The following TDRD9 variants were observed in gnomAD, a reference collection of about 807,000 sequenced individuals.
The protein encoded by TDRD9 is tudor domain containing 9.
A neutral mutation model predicts 172.6 loss-of-function variants in TDRD9; 124 were observed. That is an observed-to-expected ratio of 0.72 (90% CI 0.62 to 0.83). The LOEUF (loss-of-function observed/expected upper bound fraction) is 0.83. Ranked by LOEUF, TDRD9 falls within the 40% of genes least tolerant of loss-of-function variation. The probability of loss-of-function intolerance (pLI) is 0.00; values close to 1 mark genes in which losing one functional copy is unlikely to be tolerated. For synonymous variants in TDRD9, 619 were observed against 617.1 expected, an observed-to-expected ratio of 1.00 and a Z score of -0.05; for missense variants, 1,479 against 1,714.1, an observed-to-expected ratio of 0.86 and a Z score of 2.42.
chr14:104,023,293 A>G (rs1352665145), intron 24 of TDRD9, among the ~76,000 whole-genome samples: 3 of 151,716 alleles, frequency 2.0e-5, no homozygotes, highest in African/African-American at 7.3e-5. Flanking sequence ...TAGGGATTAA[A>G]TCTAATGTTA....
chr14:104,045,842 T>A (rs1160672336), intron 34 of TDRD9, among the ~76,000 whole-genome samples: 1 of 152,262 alleles, frequency 6.6e-6, no homozygotes, highest in East Asian at 1.9e-4. Context: ...GGCCAGGTGC[T>A]AGAGCCATGC....
At position 104,022,757 on chromosome 14, in the gene TDRD9, T is replaced by G. The variant is rs557772555; in HGVS notation, c.2606+427T>G. Among the ~76,000 whole-genome samples the G allele has an allele frequency of 9.3e-5, 14 of 151,344 alleles. 1 individual carries two copies. The South Asian group carries it at 2.9e-3, about 32-fold the overall frequency. ...ATAAATAAATAAATAAATAAATAAATAAATAAAAAAGCACTGGCTTTGTGG... is the reference window on the plus strand; with the variant it reads ...ATAAATAAATAAATAAATAAATAAAGAAATAAAAAAGCACTGGCTTTGTGG... On this transcript the variant is annotated intron_variant, in intron 24 of 35. Coordinates refer to ENST00000409874, the MANE Select transcript of TDRD9 (RefSeq NM_153046.3).
intron 23 of TDRD9, among the ~76,000 whole-genome samples, chr14:104,021,770 T>C (rs2034963423): frequency 6.6e-6 from 1 of 152,218 alleles, no homozygotes. Context: ...TACATTTGTG[T>C]GGTTTTCTGT....
chr14:103,940,975 C>G (rs756331635), intron 1 of TDRD9: 1 of 1,535,430 alleles, frequency 6.5e-7, no homozygotes, highest in South Asian at 1.2e-5. Flanking sequence ...GTCCATGCTC[C>G]CTGAGTCCTC....
At chr14:103,941,957 C>T in intron 1 of TDRD9, 1 of 429,780 alleles carries the variant, frequency 2.3e-6, no homozygotes, top group Non-Finnish European at 4.1e-6. Flanking sequence ...AACATATAGA[C>T]TGAATGATAT....
At chr14:104,040,109 A>G (rs2035568513) in intron 32 of TDRD9, 87 bp from the exon 33 acceptor site, 1 of 1,241,190 alleles carries the variant, frequency 8.1e-7, no homozygotes. Flanking sequence ...AGAATTTAGG[A>G]TAATTTTATC....
At chr14:103,982,631 C>T (rs975357833) in intron 7 of TDRD9, among the ~76,000 whole-genome samples, 10 of 152,264 alleles carry the variant, frequency 6.6e-5, no homozygotes, top group African/African-American at 2.4e-5. Flanking sequence ...AGAGGCCAGG[C>T]GTGGTGGCTC....
At chr14:103,992,921 TC>T (rs2033922851) in intron 9 of TDRD9, among the ~76,000 whole-genome samples, 3 of 51,442 alleles carry the variant, frequency 5.8e-5, no homozygotes, top group African/African-American at 2.8e-4. Flanking sequence ...CGAGACTCCA[TC>T]TCAAAAAAAA....
intron 23 of TDRD9, among the ~76,000 whole-genome samples, chr14:104,020,852 T>C (rs2034932847): frequency 6.6e-6 from 1 of 152,178 alleles, no homozygotes; most frequent in Admixed American, 6.5e-5. Flanking sequence ...AACTTGATGC[T>C]GTCTTCCTTC....
chr14:104,005,742 G>A (rs2034417469), intron 15 of TDRD9, among the ~76,000 whole-genome samples: 1 of 152,202 alleles, frequency 6.6e-6, no homozygotes, highest in Non-Finnish European at 1.5e-5. Flanking sequence ...TGTACATACT[G>A]TGCTGGGGCT....
Position 104,025,684 on chromosome 14 carries a change from C to A in TDRD9, c.2839C>A (p.Pro947Thr), listed in dbSNP as rs2035095419. The A allele has an allele frequency of 1.2e-6, 2 of 1,613,886 alleles. No individual in the cohort carries two copies. Among genetic ancestry groups the A allele is most frequent in the South Asian group, 2.2e-5 (2 of 91,088 alleles). The stretch of plus-strand genomic sequence containing the variant: ...GGTGCCCTTGCCCACTCACCCACAT[C>A]CAGACTTGGTCTGTCTGGCACCTTT... ...TLVPLPTHPH[P>T]DLVCLAPFAD... is the part of the protein sequence containing the mutation. Residue 947 changes from proline to threonine, a missense_variant, in exon 26 of 36, where the codon CCA becomes ACA. Physicochemically the swap from Pro to Thr is conservative, Grantham distance 38. Coordinates refer to ENST00000409874, the MANE Select transcript of TDRD9 (RefSeq NM_153046.3).
rs138022605 is a variant in TDRD9 at position 104,041,049 on chromosome 14, C to T, written c.3855+715C>T. Among the ~76,000 whole-genome samples the T allele has an allele frequency of 1.1e-3, 166 of 152,336 alleles. 2 individuals carry two copies. The East Asian group carries it at 0.031, about 29-fold the overall frequency. Reference sequence around the variant, plus strand: ...ATGCTACTTTCTAAGTACTCAGTCGCCTTTCTTTCTTAGAAGTTCCATGAG... The same window carrying T: ...ATGCTACTTTCTAAGTACTCAGTCGTCTTTCTTTCTTAGAAGTTCCATGAG... On this transcript the variant is annotated intron_variant, in intron 33 of 35. Transcript: ENST00000409874.
At chr14:103,961,292 A>C (rs1045765657) in intron 2 of TDRD9, among the ~76,000 whole-genome samples, 1 of 152,222 alleles carries the variant, frequency 6.6e-6, no homozygotes, top group East Asian at 1.9e-4. Context: ...AAGATTAAAA[A>C]GCCATAGGTC....
At chr14:104,006,296 G>A in intron 15 of TDRD9, 93 bp from the exon 16 acceptor site, 2 of 997,422 alleles carry the variant, frequency 2.0e-6, no homozygotes, top group South Asian at 1.7e-5. Context: ...ACCAAAATTA[G>A]GTCTTTGTTT....
At chr14:104,009,328 A>G (rs2034539398) in intron 20 of TDRD9, among the ~76,000 whole-genome samples, 1 of 152,194 alleles carries the variant, frequency 6.6e-6, no homozygotes, top group Admixed American at 6.5e-5. Context: ...TCATCCTGAA[A>G]CCATCCCCAT....
chr14:103,994,644 A>G, intron 11 of TDRD9, 41 bp downstream of exon 11: 1 of 1,543,826 alleles, frequency 6.5e-7, no homozygotes, highest in South Asian at 1.2e-5. Flanking sequence ...ACTTTAGGTA[A>G]ATTTTCCTTA....
intron 13 of TDRD9, 143 bp downstream of exon 13, chr14:103,998,871 C>A (rs996071193): frequency 1.9e-6 from 1 of 533,522 alleles, no homozygotes; most frequent in Non-Finnish European, 3.3e-6. Context: ...CGGTTCACTG[C>A]AAGCTCCGCT....
chr14:103,950,167 G>T (rs1425030724), intron 1 of TDRD9, among the ~76,000 whole-genome samples: 4 of 130,010 alleles, frequency 3.1e-5, no homozygotes, highest in African/African-American at 1.2e-4. Context: ...TCAGCTCACC[G>T]CAACCTCCGC....
At position 104,005,352 on chromosome 14, in the gene TDRD9, CT is replaced by C. The variant is rs777632563; in HGVS notation, c.1663del (p.Ser555ProfsTer5). 6.2e-7 allele frequency: 1 copy of C among 1,613,990 alleles called. No homozygotes were observed. The highest frequency in any genetic ancestry group is 2.2e-5 in the East Asian group (1 of 44,890). On this transcript the variant is annotated frameshift_variant, in exon 15 of 36. Transcript: ENST00000409874. LOFTEE classifies it high-confidence loss of function. ...GCCGAGAGCTCTGCTGGCCACTGCC[CT>C]TTCCCCGCCTGGTCTGAGTGACATT... ...GEPRALLATA[L>X]SPPGLSDIER...
Sources: allele counts gnomAD v4.1 joint callset (sites outside exome capture counted in the v4.1 genomes callset), GRCh38; gene constraint gnomAD v4.1.1; transcripts MANE v1.5; gene names NCBI Gene and HGNC (gene_info 2026-07-23, HGNC 2026-07-21).